Variants in COX10 observed in about 807,000 individuals in gnomAD.
COX10 encodes the protein cytochrome c oxidase assembly factor heme A:farnesyltransferase COX10.
Under a neutral mutation model 37.3 loss-of-function variants are expected in COX10, and 27 were observed. The observed-to-expected ratio is 0.72, with a 90% confidence interval of 0.53 to 1.00. The LOEUF is 1.00. Ranked by LOEUF, COX10 falls within the 50% of genes least tolerant of loss-of-function variation. The pLI, the probability that COX10 is intolerant of heterozygous loss-of-function variation, is 0.00. For synonymous variants in COX10, 222 were observed against 229.1 expected, an observed-to-expected ratio of 0.97 and a Z score of 0.28; for missense variants, 475 against 563.2, an observed-to-expected ratio of 0.84 and a Z score of 1.59.
intron 1 of COX10, 140 bp downstream of exon 1, chr17:14,069,788 C>A (rs1204256060): frequency 1.0e-6 from 1 of 998,194 alleles, no homozygotes; most frequent in East Asian, 2.6e-5. Context: ...GGGAAATGAC[C>A]TCTGGAGTAG....
chr17:14,140,981 A>C (rs1904524713), intron 4 of COX10, among the ~76,000 whole-genome samples: 1 of 152,168 alleles, frequency 6.6e-6, no homozygotes, highest in African/African-American at 2.4e-5. Context: ...ATATTGGTAC[A>C]AACTAGTGTC....
chr17:14,153,234 A>G (rs1379194697), intron 4 of COX10, among the ~76,000 whole-genome samples: 3 of 152,230 alleles, frequency 2.0e-5, no homozygotes, highest in African/African-American at 7.2e-5. Context: ...TGCCAAACAC[A>G]GTAAAACTTT....
rs1915372466 is a variant in COX10 at position 14,084,762 on chromosome 17, G to A, written c.499+7706G>A. ...TGCAACCTCCGCCTCCCGGGTTCAA[G>A]CCATTCTCTTGCCTCAGCCTTCTGA... On this transcript the variant is annotated intron_variant, in intron 3 of 6. Transcript: ENST00000261643. 2.0e-5 allele frequency among the ~76,000 whole-genome samples: 3 copies of A among 152,154 alleles called. No homozygotes were observed. In the South Asian group the frequency reaches 6.2e-4, roughly 32 times the overall value.
intron 4 of COX10, among the ~76,000 whole-genome samples, chr17:14,124,354 GA>G (rs1438169011): frequency 5.3e-5 from 8 of 152,148 alleles, no homozygotes; most frequent in Admixed American, 6.6e-5. Context: ...TAGGGAAGCA[GA>G]GCCATATCCT....
At chr17:14,193,305 C>A (rs1165077664) in intron 6 of COX10, among the ~76,000 whole-genome samples, 1 of 152,164 alleles carries the variant, frequency 6.6e-6, no homozygotes, top group African/African-American at 2.4e-5. Context: ...CTCCTCATCT[C>A]CCACATGGGG....
intron 3 of COX10, among the ~76,000 whole-genome samples, chr17:14,089,499 A>C (rs550822651): frequency 6.6e-6 from 1 of 152,328 alleles, no homozygotes; most frequent in South Asian, 2.1e-4. Flanking sequence ...CATCTTCATG[A>C]AAAAGTGTAG....
intron 5 of COX10, among the ~76,000 whole-genome samples, chr17:14,178,648 C>G (rs1238733455): frequency 6.6e-6 from 1 of 151,712 alleles, no homozygotes; most frequent in East Asian, 1.9e-4. Flanking sequence ...CAGCTTCCAG[C>G]CTCACCATTC....
At chr17:14,107,735 C>T (rs781229868) in intron 4 of COX10, among the ~76,000 whole-genome samples, 2 of 152,078 alleles carry the variant, frequency 1.3e-5, no homozygotes, top group Middle Eastern at 3.4e-3. Context: ...CATTATTACT[C>T]TGCTATTAGC....
In COX10 at chr17:14,080,508, C is replaced by T. The variant is rs1434183851; in HGVS notation, c.499+3452C>T. Among the ~76,000 whole-genome samples, 6 of 152,102 alleles carry T rather than the reference C, an allele frequency of 3.9e-5. No homozygotes were observed. In the East Asian group the frequency reaches 9.7e-4, roughly 24 times the overall value. ...GATTACAGGCGTGAGCCACCGCACCCGGCCAGCATTTGGGAATTAGACTTT... is the reference window on the plus strand; with the variant it reads ...GATTACAGGCGTGAGCCACCGCACCTGGCCAGCATTTGGGAATTAGACTTT... On this transcript the variant is annotated intron_variant, in intron 3 of 6. Transcript: ENST00000261643.
Position 14,110,354 on chromosome 17 carries a change from G to A in COX10, c.624+8112G>A, listed in dbSNP as rs925999544. ...AGCAGACATTGATTTTCTGCTATTC[G>A]GTAAGCATTGTGGAATTATGTATGA... is the stretch of plus-strand genomic sequence containing the variant. On this transcript the variant is annotated intron_variant, in intron 4 of 6. Transcript: ENST00000261643. Among the ~76,000 whole-genome samples, 8 of 151,984 alleles carry A rather than the reference G, an allele frequency of 5.3e-5. No homozygotes were observed. In the South Asian group the frequency reaches 6.2e-4, roughly 12 times the overall value.
At chr17:14,122,868 A>G (rs1368940622) in intron 4 of COX10, among the ~76,000 whole-genome samples, 4 of 152,182 alleles carry the variant, frequency 2.6e-5, no homozygotes, top group Admixed American at 1.3e-4. Flanking sequence ...AAAGAAACCA[A>G]GATAATGTTT....
rs552063978 is a variant in COX10, at chr17:14,161,306, G to A, written c.695+1359G>A. Reference sequence around the variant, plus strand: ...GTCTCAAAAGATCAAAATTCCTAAAGTCTAGAATCCCTAATGTCCAAAGGC... The same window carrying A: ...GTCTCAAAAGATCAAAATTCCTAAAATCTAGAATCCCTAATGTCCAAAGGC... On this transcript the variant is annotated intron_variant, in intron 5 of 6. Transcript: ENST00000261643. Among the ~76,000 whole-genome samples the A allele has an allele frequency of 1.1e-4, 17 of 152,262 alleles. 1 individual carries two copies. In the South Asian group the frequency reaches 3.5e-3, roughly 31 times the overall value.
At chr17:14,159,729 G>T in intron 4 of COX10, 148 bp from the exon 5 acceptor site, 1 of 638,298 alleles carries the variant, frequency 1.6e-6, no homozygotes, top group East Asian at 2.8e-5. Flanking sequence ...TGTTTTTTTG[G>T]AATTTTTCTT....
At chr17:14,162,128 T>G (rs1403383227) in intron 5 of COX10, among the ~76,000 whole-genome samples, 1 of 152,142 alleles carries the variant, frequency 6.6e-6, no homozygotes, top group Non-Finnish European at 1.5e-5. Flanking sequence ...TAAAGCTAAT[T>G]ATTATTGGTG....
chr17:14,181,946 A>C, intron 5 of COX10: 1 of 981,530 alleles, frequency 1.0e-6, no homozygotes, highest in Admixed American at 6.2e-5. Flanking sequence ...TCCCCTCTGA[A>C]TAAGAAGGCT....
At chr17:14,119,905 G>C (rs1262832300) in intron 4 of COX10, among the ~76,000 whole-genome samples, 1 of 152,174 alleles carries the variant, frequency 6.6e-6, no homozygotes, top group African/African-American at 2.4e-5. Flanking sequence ...GATCAGATTT[G>C]TTGTTTGAAC....
chr17:14,205,632 C>T (rs542563336), intron 6 of COX10, among the ~76,000 whole-genome samples: 1 of 151,960 alleles, frequency 6.6e-6, no homozygotes, highest in South Asian at 2.1e-4. Context: ...TAACCAGCCC[C>T]TGCCTTCCAG....
chr17:14,180,886 C>A (rs1905837483), intron 5 of COX10, among the ~76,000 whole-genome samples: 2 of 150,838 alleles, frequency 1.3e-5, no homozygotes, highest in South Asian at 4.2e-4. Flanking sequence ...CTCTCTTTTG[C>A]ATGGTTTGTA....
At chr17:14,073,767 G>C (rs181521159) in intron 1 of COX10, among the ~76,000 whole-genome samples, 9 of 152,156 alleles carry the variant, frequency 5.9e-5, no homozygotes, top group Non-Finnish European at 1.2e-4. Context: ...GAGAAGCATT[G>C]GATTTGTTGA....
Sources: gnomAD v4.1 joint callset for allele counts (sites outside exome capture counted in the v4.1 genomes callset) on GRCh38, gnomAD v4.1.1 for gene constraint, MANE v1.5 for transcripts, NCBI Gene and HGNC (gene_info 2026-07-23, HGNC 2026-07-21) for gene names.